Variants in POGLUT1 observed in about 807,000 individuals in gnomAD.
POGLUT1 encodes the protein protein O-glucosyltransferase 1.
A neutral mutation model predicts 61.3 loss-of-function variants in POGLUT1; 32 were observed. The observed-to-expected ratio is 0.52, with a 90% CI of 0.39 to 0.70. The LOEUF is 0.70. Among genes scored for constraint, POGLUT1 ranks in the 30% least tolerant of loss-of-function variants. POGLUT1 has a pLI of 0.00. For synonymous variants in POGLUT1, 158 were observed against 158.2 expected (o/e 1.00, Z 0.01); for missense variants, 411 against 469.8 (o/e 0.87, Z 1.16).
At position 119,471,322 on chromosome 3, in the gene POGLUT1, G is replaced by A. The variant is rs2081469913; in HGVS notation, c.190G>A (p.Asp64Asn). ...ATTCTTTCCCAGTGTCATAGAAGAG[G>A]ATCTAACTCCTTTCCGAGGAGGCAT... Reference protein sequence around the residue: ...CSCYHGVIEEDLTPFRGGISR... With the variant: ...CSCYHGVIEENLTPFRGGISR... The change falls in exon 3 of 11, where the codon GAT becomes AAT. Residue 64 changes from aspartate (D) to asparagine (N), a missense_variant. Asp to Asn is a conservative substitution (Grantham distance 23). Transcript: ENST00000295588. 12 of 1,614,024 alleles carry A rather than the reference G, an allele frequency of 7.4e-6. No homozygotes were observed. Among genetic ancestry groups the A allele is most frequent in the Non-Finnish European group, 1.0e-5 (12 of 1,179,966 alleles).
chr3:119,490,456 A>G (rs1039193339), intron 8 of POGLUT1, 95 bp from the exon 9 acceptor site: 1 of 1,042,868 alleles, frequency 9.6e-7, no homozygotes, highest in Non-Finnish European at 1.5e-6. Context: ...GAGGAATCAT[A>G]AAAGGAAAGA....
At chr3:119,478,213 G>A (rs2081562936) in intron 4 of POGLUT1, 1 of 392,840 alleles carries the variant, frequency 2.5e-6, no homozygotes, top group South Asian at 1.9e-5. Flanking sequence ...TGGGGTAAGA[G>A]TGAATTGAGG....
Position 119,488,893 on chromosome 3 carries a change from T to C in POGLUT1, c.739-36T>C, listed in dbSNP as rs201379844. ...GCACAGTGATCACAATAAATGCTGTTGCTGTTAATACTAATAACTTCCTTT... is the reference window on the plus strand; with the variant it reads ...GCACAGTGATCACAATAAATGCTGTCGCTGTTAATACTAATAACTTCCTTT... On this transcript the variant is annotated intron_variant, in intron 7 of 10. Coordinates refer to ENST00000295588, the MANE Select transcript of POGLUT1 (RefSeq NM_152305.3). 47 of 1,166,804 alleles carry C rather than the reference T, an allele frequency of 4.0e-5. 1 individual carries two copies. In the East Asian group the frequency reaches 1.0e-3, roughly 26 times the overall value. 72.3% of individuals were successfully genotyped at this position (1,166,804 alleles called of 1,614,324 possible).
intron 1 of POGLUT1, 190 bp downstream of exon 1, chr3:119,469,296 G>C (rs1318190676): frequency 1.7e-6 from 1 of 599,758 alleles, no homozygotes; most frequent in African/African-American, 1.9e-5. Flanking sequence ...TCTGGACCCT[G>C]GAGAGTAACC....
At position 119,480,029 on chromosome 3, in the gene POGLUT1, G is replaced by A. The variant is rs754787487; in HGVS notation, c.457-22G>A. The stretch of plus-strand genomic sequence containing the variant: ...CACTGTTCCAAGACTGATTTAGGAC[G>A]ACCTGTCTGTTTTTGTTGAAGACAT... On this transcript the variant is annotated intron_variant, in intron 4 of 10. Transcript: ENST00000295588. 1.4e-5 allele frequency: 23 copies of A among 1,612,178 alleles called. 1 individual carries two copies. In the East Asian group the frequency reaches 4.5e-4, roughly 31 times the overall value.
At chr3:119,469,976 C>G in intron 2 of POGLUT1, 66 bp downstream of exon 2, 1 of 963,732 alleles carries the variant, frequency 1.0e-6, no homozygotes, top group Non-Finnish European at 1.7e-6. Context: ...TTCTAACATC[C>G]TTGAGAGATT....
intron 9 of POGLUT1, 40 bp from the exon 10 acceptor site, chr3:119,491,478 T>G: frequency 1.1e-6 from 1 of 940,148 alleles, no homozygotes; most frequent in Non-Finnish European, 1.7e-6. Flanking sequence ...GCCAATGAAG[T>G]TGGTCTATAT....
chr3:119,470,024 A>G (rs143942571), intron 2 of POGLUT1, 114 bp downstream of exon 2: 330 of 684,978 alleles, frequency 4.8e-4, no homozygotes, highest in African/African-American at 3.6e-3. Flanking sequence ...ATGTTTTTCT[A>G]TTTCTGGGGA....
intron 3 of POGLUT1, among the ~76,000 whole-genome samples, chr3:119,473,650 C>T (rs565530048): frequency 1.2e-3 from 185 of 151,074 alleles, no homozygotes; most frequent in South Asian, 3.8e-3. Context: ...TATCTTTCTA[C>T]GTCTAGATAC....
At chr3:119,492,018 C>T (rs375572808) in intron 10 of POGLUT1, among the ~76,000 whole-genome samples, 232 of 151,914 alleles carry the variant, frequency 1.5e-3, no homozygotes, top group South Asian at 2.1e-3. Context: ...CGCACCATTG[C>T]GCTCCAGCAT....
Position 119,491,576 on chromosome 3 carries a change from T to G in POGLUT1, c.1022+2T>G, listed in dbSNP as rs751348424. On this transcript the variant is annotated splice_donor_variant, in intron 10 of 10. Transcript: ENST00000295588. LOFTEE classifies it high-confidence loss of function. Reference sequence around the variant, plus strand: ...TGTAGCTCAAGAGATTGCTGAAAGGTGAGTTCTGTTCATTTTCCCTTTTCC... The same window carrying G: ...TGTAGCTCAAGAGATTGCTGAAAGGGGAGTTCTGTTCATTTTCCCTTTTCC... 4.6e-6 allele frequency: 7 copies of G among 1,526,694 alleles called. No individual in the cohort carries two copies. The South Asian group carries it at 8.2e-5, about 18-fold the overall frequency. 94.6% of individuals were successfully genotyped at this position (1,526,694 alleles called of 1,614,324 possible).
At chr3:119,485,788 C>G (rs2081657606) in intron 6 of POGLUT1, among the ~76,000 whole-genome samples, 1 of 152,164 alleles carries the variant, frequency 6.6e-6, no homozygotes, top group Non-Finnish European at 1.5e-5. Context: ...CCTTTTTTAT[C>G]ACACCCTGTG....
At chr3:119,476,448 T>C (rs1216437226) in intron 3 of POGLUT1, among the ~76,000 whole-genome samples, 2 of 152,166 alleles carry the variant, frequency 1.3e-5, no homozygotes, top group African/African-American at 4.8e-5. Context: ...AACACTTTTT[T>C]TTTTTTTGGC....
At chr3:119,476,799 G>C (rs1425761004) in intron 3 of POGLUT1, among the ~76,000 whole-genome samples, 2 of 152,130 alleles carry the variant, frequency 1.3e-5, no homozygotes, top group Non-Finnish European at 2.9e-5. Flanking sequence ...AACTGATTTT[G>C]ATAATGTTCT....
At chr3:119,476,952 C>T (rs567225048) in intron 3 of POGLUT1, among the ~76,000 whole-genome samples, 7 of 152,186 alleles carry the variant, frequency 4.6e-5, no homozygotes, top group Admixed American at 1.3e-4. Context: ...TCAGCTATTA[C>T]GAGAGTTTGT....
At chr3:119,479,578 C>A (rs1444016293) in intron 4 of POGLUT1, among the ~76,000 whole-genome samples, 1 of 152,080 alleles carries the variant, frequency 6.6e-6, no homozygotes, top group Non-Finnish European at 1.5e-5. Context: ...GAATCCAAAC[C>A]CATGTGATCC....
intron 3 of POGLUT1, chr3:119,471,801 T>C: frequency 3.1e-6 from 1 of 320,496 alleles, no homozygotes; most frequent in Admixed American, 4.8e-5. Context: ...TGGTTGAATG[T>C]CTGTCATCGG....
intron 3 of POGLUT1, among the ~76,000 whole-genome samples, chr3:119,474,159 AAAG>A (rs1464075670): frequency 6.6e-6 from 1 of 152,262 alleles, no homozygotes; most frequent in African/African-American, 2.4e-5. Flanking sequence ...AATTACATAT[AAAG>A]TATACAATGT....
chr3:119,484,211 T>G (rs2081638641), intron 5 of POGLUT1, among the ~76,000 whole-genome samples: 1 of 152,198 alleles, frequency 6.6e-6, no homozygotes, highest in South Asian at 2.1e-4. Context: ...TGGAAAATAC[T>G]GAGCAGCGTT....
Sources: gnomAD v4.1 joint callset for allele counts (sites outside exome capture counted in the v4.1 genomes callset) on GRCh38, gnomAD v4.1.1 for gene constraint, MANE v1.5 for transcripts, NCBI Gene and HGNC (gene_info 2026-07-23, HGNC 2026-07-21) for gene names.